ANKS1B: variants seen among roughly 807,000 people sequenced by gnomAD.
The protein encoded by ANKS1B is ankyrin repeat and sterile alpha motif domain-containing protein 1B.
ANKS1B carries 36 observed loss-of-function variants against 148.3 expected under a neutral mutation model. The ratio of observed to expected loss-of-function variants is 0.24; its 90% CI spans 0.19 to 0.32. The LOEUF (loss-of-function observed/expected upper bound fraction) is 0.32. Among genes scored for constraint, ANKS1B ranks in the 10% least tolerant of loss-of-function variants. The probability of loss-of-function intolerance (pLI) is 1.00; values close to 1 mark genes in which losing one functional copy is unlikely to be tolerated. For synonymous variants in ANKS1B, 542 were observed against 560.8 expected, an observed-to-expected ratio of 0.97 and a Z score of 0.47; for missense variants, 1,157 against 1,542.6, an observed-to-expected ratio of 0.75 and a Z score of 4.19.
intron 8 of ANKS1B, among the ~76,000 whole-genome samples, chr12:99,759,781 C>T (rs1198411712): frequency 6.6e-6 from 1 of 151,918 alleles, no homozygotes; most frequent in South Asian, 2.1e-4. Context: ...TTAACTTCAT[C>T]ATTATCCAGA....
chr12:99,531,886 A>C (rs1485444270), intron 9 of ANKS1B, among the ~76,000 whole-genome samples: 1 of 152,168 alleles, frequency 6.6e-6, no homozygotes, highest in Non-Finnish European at 1.5e-5. Context: ...ACTTTTTGAA[A>C]ATGGCCATTC....
At chr12:99,860,808 G>A (rs1433476028) in intron 1 of ANKS1B, among the ~76,000 whole-genome samples, 2 of 152,144 alleles carry the variant, frequency 1.3e-5, no homozygotes, top group Non-Finnish European at 2.9e-5. Context: ...ATGAACTGAA[G>A]AGTATAATAA....
chr12:98,873,498 A>G (rs922580746), intron 17 of ANKS1B, among the ~76,000 whole-genome samples: 3 of 152,252 alleles, frequency 2.0e-5, no homozygotes, highest in Admixed American at 2.0e-4. Context: ...ATCTGCAAAA[A>G]GAAAAGTGTC....
chr12:99,577,036 A>C lies in ANKS1B; in HGVS notation c.1273-72395T>G, dbSNP rs1039980321. 2.0e-5 allele frequency among the ~76,000 whole-genome samples: 3 copies of C among 152,044 alleles called. No individual in the cohort carries two copies. The East Asian group carries it at 5.8e-4, about 29-fold the overall frequency. On this transcript the variant is annotated intron_variant, in intron 9 of 26. Transcript: ENST00000683438. Reference sequence around the variant, plus strand: ...ATTAACAACCAAACATTGCACCTAGAGGAACTAAAAAAATAAAAGTAATAC... The same window carrying C: ...ATTAACAACCAAACATTGCACCTAGCGGAACTAAAAAAATAAAAGTAATAC...
chr12:99,522,614 T>C (rs1054067387), intron 9 of ANKS1B, among the ~76,000 whole-genome samples: 1 of 152,242 alleles, frequency 6.6e-6, no homozygotes, highest in African/African-American at 2.4e-5. Context: ...TAAAAGGTTC[T>C]ATGCTTCAGT....
intron 1 of ANKS1B, among the ~76,000 whole-genome samples, chr12:99,827,786 C>T (rs1870777406): frequency 6.6e-6 from 1 of 152,194 alleles, no homozygotes; most frequent in Non-Finnish European, 1.5e-5. Context: ...CACACACACA[C>T]TGCTAATAGG....
At chr12:99,409,283 T>C (rs570442401) in intron 11 of ANKS1B, among the ~76,000 whole-genome samples, 33 of 152,278 alleles carry the variant, frequency 2.2e-4, no homozygotes, top group African/African-American at 7.5e-4. Context: ...CATTTATTTG[T>C]AGGAACTAGA....
chr12:99,429,738 T>A (rs757206588), intron 11 of ANKS1B, among the ~76,000 whole-genome samples: 1 of 151,786 alleles, frequency 6.6e-6, no homozygotes, highest in Non-Finnish European at 1.5e-5. Flanking sequence ...CCAAGGCGGG[T>A]GGATCACGAG....
At chr12:99,553,259 A>C (rs1311346557) in intron 9 of ANKS1B, among the ~76,000 whole-genome samples, 1 of 152,220 alleles carries the variant, frequency 6.6e-6, no homozygotes, top group African/African-American at 2.4e-5. Context: ...AAGTTCTTTT[A>C]AGGAAAATTA....
At chr12:99,844,726 T>C (rs989262884) in intron 1 of ANKS1B, among the ~76,000 whole-genome samples, 2 of 152,216 alleles carry the variant, frequency 1.3e-5, no homozygotes, top group Non-Finnish European at 2.9e-5. Context: ...TGGGCTCTTT[T>C]TTGGTTCCTT....
chr12:99,370,081 G>C (rs954215078), intron 12 of ANKS1B, among the ~76,000 whole-genome samples: 1 of 85,862 alleles, frequency 1.2e-5, no homozygotes, highest in South Asian at 3.7e-4. Context: ...GGAGATTAGT[G>C]GGGCATGATT....
intron 11 of ANKS1B, among the ~76,000 whole-genome samples, chr12:99,425,988 G>A (rs545400171): frequency 1.3e-5 from 2 of 152,234 alleles, no homozygotes. Flanking sequence ...GTATCTGTAA[G>A]ATTATGTTCG....
rs11349848 is a variant in ANKS1B, at chr12:99,105,768, CAA to C, written c.2527-20747_2527-20746del. ...TGGGCAACAAAGTGAGACTCTGTCT[CAA>C]AAAAAAAAAAAAAAAAAAACTAAAA... On this transcript the variant is annotated intron_variant, in intron 15 of 26. Coordinates refer to ENST00000683438, the MANE Select transcript of ANKS1B (RefSeq NM_001352186.2). Among the ~76,000 whole-genome samples, 599 of 82,922 alleles carry C rather than the reference CAA, an allele frequency of 7.2e-3. 4 individuals are homozygous for C. The highest frequency in any genetic ancestry group is 0.038 in the Admixed American group (294 of 7,766). 54.4% of individuals were successfully genotyped at this position (82,922 alleles called of 152,430 possible). A position where few individuals can be genotyped will look rare whatever the true frequency, so the allele number is the denominator to read the frequency against.
chr12:99,581,052 T>C (rs1298780519), intron 9 of ANKS1B, among the ~76,000 whole-genome samples: 1 of 152,190 alleles, frequency 6.6e-6, no homozygotes, highest in Admixed American at 6.5e-5. Context: ...TAGAAATTGA[T>C]GGGCTGATTC....
intron 8 of ANKS1B, among the ~76,000 whole-genome samples, chr12:99,733,376 G>T (rs1480907168): frequency 6.6e-6 from 1 of 152,170 alleles, no homozygotes; most frequent in African/African-American, 2.4e-5. Flanking sequence ...ACAGCATAAA[G>T]CAGAGCCACT....
intron 16 of ANKS1B, among the ~76,000 whole-genome samples, chr12:99,055,127 T>C (rs756936973): frequency 1.6e-4 from 24 of 152,220 alleles, no homozygotes; most frequent in Non-Finnish European, 2.9e-5. Context: ...GGCTCATAGA[T>C]ATTCGGTAGC....
At chr12:98,798,900 A>T in intron 22 of ANKS1B, 34 bp downstream of exon 22, 1 of 1,563,360 alleles carries the variant, frequency 6.4e-7, no homozygotes, top group Non-Finnish European at 8.7e-7. Flanking sequence ...TTAGTATTTC[A>T]GCTACTAGAA....
chr12:99,255,028 G>T (rs1170725655), intron 12 of ANKS1B, among the ~76,000 whole-genome samples: 7 of 151,994 alleles, frequency 4.6e-5, no homozygotes, highest in Admixed American at 4.6e-4. Flanking sequence ...AAATAGTTGG[G>T]GAAAATTTCC....
intron 16 of ANKS1B, among the ~76,000 whole-genome samples, chr12:99,073,274 G>A (rs906449710): frequency 2.0e-5 from 3 of 152,100 alleles, no homozygotes; most frequent in African/African-American, 4.8e-5. Context: ...ATTCAAACTC[G>A]GATAGTCTGA....
Sources: allele counts gnomAD v4.1 joint callset (sites outside exome capture counted in the v4.1 genomes callset), GRCh38; gene constraint gnomAD v4.1.1; transcripts MANE v1.5; gene names NCBI Gene and HGNC (gene_info 2026-07-23, HGNC 2026-07-21).